The following KNDC1 variants were observed in gnomAD, a reference collection of about 807,000 sequenced individuals.
The protein encoded by KNDC1 is kinase non-catalytic C-lobe domain containing 1.
KNDC1 carries 106 observed loss-of-function variants against 172.8 expected under a neutral mutation model. That is an observed-to-expected ratio of 0.61 (90% CI 0.52 to 0.72). The LOEUF is 0.72. KNDC1 is among the 30% of genes least tolerant of loss of function. KNDC1 has a pLI of 0.00. For synonymous variants in KNDC1, 1,083 were observed against 1,062.2 expected (o/e 1.02, Z -0.38); for missense variants, 2,325 against 2,394.5 (o/e 0.97, Z 0.61).
intron 6 of KNDC1, among the ~76,000 whole-genome samples, chr10:133,188,234 G>GTT (rs1564885549): frequency 1.3e-5 from 2 of 152,176 alleles, no homozygotes; most frequent in Non-Finnish European, 2.9e-5. Context: ...GGGGAATGTG[G>GTT]CCGTGTGGAA....
In KNDC1 at chr10:133,186,465, C is replaced by A; in HGVS notation, c.1117C>A (p.Leu373Met). 6.2e-7 allele frequency: 1 copy of A among 1,612,390 alleles called. No individual in the cohort carries two copies. Among genetic ancestry groups the A allele is most frequent in the South Asian group, 1.1e-5 (1 of 91,060 alleles). ...LWPEQEPEHQLGRVPCAGRST... is the reference protein window; with the variant it reads ...LWPEQEPEHQMGRVPCAGRST... ...GCCGGAGCAGGAGCCGGAACACCAG[C>A]TGGGACGGGTTCCCTGTGCAGGCCG... Residue 373 changes from leucine (L) to methionine (M), a missense_variant, in exon 6 of 30, where the codon CTG (leucine) becomes ATG (methionine). Transcript: ENST00000304613.
chr10:133,179,659 G>A (rs74443114), intron 3 of KNDC1, among the ~76,000 whole-genome samples: 3,354 of 152,276 alleles, frequency 0.022, 47 homozygotes, highest in Middle Eastern at 0.034. Flanking sequence ...AAGTTTTCAC[G>A]TCCACTTCAC....
Position 133,198,477 on chromosome 10 carries a change from G to C in KNDC1, c.2047G>C (p.Ala683Pro), listed in dbSNP as rs377023876. The C allele has an allele frequency of 6.2e-7, 1 of 1,606,484 alleles. No homozygotes were observed. Among genetic ancestry groups the C allele is most frequent in the Admixed American group, 1.7e-5 (1 of 59,360 alleles). The change falls in exon 13 of 30, where the codon GCG (alanine) becomes CCG (proline). Residue 683 changes from alanine (A) to proline (P), a missense_variant. By Grantham distance (27) the Ala-to-Pro change is conservative. Coordinates refer to ENST00000304613, the MANE Select transcript of KNDC1 (RefSeq NM_152643.8). ...EATHFKPIVL[A>P]QNASVARDQP... Reference sequence around the variant, plus strand: ...CACGCACTTCAAGCCCATTGTCCTCGCGCAGAACGCAAGTGTGGCCAGGTG... The same window carrying C: ...CACGCACTTCAAGCCCATTGTCCTCCCGCAGAACGCAAGTGTGGCCAGGTG...
chr10:133,210,840 G>T, intron 21 of KNDC1, 116 bp downstream of exon 21: 2 of 869,518 alleles, frequency 2.3e-6, no homozygotes, highest in South Asian at 1.3e-5. Context: ...ACCCAAGGGG[G>T]TGAGGGGCCA....
At position 133,199,165 on chromosome 10, in the gene KNDC1, G is replaced by A; in HGVS notation, c.2657G>A (p.Gly886Glu). 1 of 1,601,190 alleles carries A rather than the reference G, an allele frequency of 6.2e-7. No homozygotes were observed. Among genetic ancestry groups the A allele is most frequent in the Non-Finnish European group, 8.5e-7 (1 of 1,174,768 alleles). ...LPCVDASPLP[G>E]RTACPSLQEA... ...TGCGTGGATGCCTCGCCACTCCCAGGGAGGACGGCCTGCCCGTCGCTGCAG... is the reference window on the plus strand; with the variant it reads ...TGCGTGGATGCCTCGCCACTCCCAGAGAGGACGGCCTGCCCGTCGCTGCAG... The change falls in exon 14 of 30, where the codon GGG (glycine) becomes GAG (glutamate). Residue 886 changes from glycine to glutamate, a missense_variant. Transcript: ENST00000304613.
Position 133,186,020 on chromosome 10 carries a change from T to G in KNDC1, c.672T>G (p.Ala224=). 6.4e-7 allele frequency: 1 copy of G among 1,566,466 alleles called. No individual in the cohort carries two copies. The highest frequency in any genetic ancestry group is 8.6e-7 in the Non-Finnish European group (1 of 1,156,420). Residue 224 remains alanine (A), a synonymous_variant, in exon 6 of 30, where the codon GCT becomes GCG. Coordinates refer to ENST00000304613, the MANE Select transcript of KNDC1 (RefSeq NM_152643.8). The part of the protein sequence containing the change: ...SWRERPAPGN[A]GPRRPPGDPS... ...GGGAGAGACCTGCCCCAGGAAACGC[T>G]GGGCCCAGGAGGCCGCCCGGGGACC...
rs767336938 is a variant in KNDC1, at chr10:133,211,845, G to C, written c.4223G>C (p.Gly1408Ala). The C allele has an allele frequency of 2.5e-6, 4 of 1,606,624 alleles. No individual in the cohort carries two copies. In the South Asian group the frequency reaches 4.4e-5, roughly 18 times the overall value. ...CTCTGTAAGAGGCTCTCAGAGGACG[G>C]CATCTCCAGGAAGGTGGGGTCCTTT... is the stretch of plus-strand genomic sequence containing the variant. ...NALCKRLSED[G>A]ISRKSFPWRL... The change falls in exon 23 of 30, where the codon GGC becomes GCC. Residue 1408 changes from glycine to alanine, a missense_variant. Physicochemically the swap from Gly to Ala is moderately conservative, Grantham distance 60 (BLOSUM62 0). Transcript: ENST00000304613.
At chr10:133,184,436 C>A (rs4838670) in intron 5 of KNDC1, among the ~76,000 whole-genome samples, 59,058 of 152,140 alleles carry the variant, frequency 0.39, 13,284 homozygotes, top group South Asian at 0.65. Context: ...AGAGATCACA[C>A]AAACTCACGT....
chr10:133,201,256 C>G (rs1297143111), intron 16 of KNDC1, among the ~76,000 whole-genome samples: 1 of 152,178 alleles, frequency 6.6e-6, no homozygotes, highest in South Asian at 2.1e-4. Flanking sequence ...GCAGTGAGGG[C>G]GCAGAGTGGG....
intron 28 of KNDC1, among the ~76,000 whole-genome samples, chr10:133,219,398 C>T (rs1845535254): frequency 6.6e-6 from 1 of 152,248 alleles, no homozygotes; most frequent in East Asian, 1.9e-4. Context: ...ACCTGGACCT[C>T]CTCCAGGACG....
In KNDC1 at chr10:133,186,071, G is replaced by C; in HGVS notation, c.723G>C (p.Pro241=). 1 of 1,598,354 alleles carries C rather than the reference G, an allele frequency of 6.3e-7. No individual in the cohort carries two copies. The highest frequency in any genetic ancestry group is 8.5e-7 in the Non-Finnish European group (1 of 1,173,682). ...CCAGCACTGACCCGGAGGTTCTGCC[G>C]ACCCCCGAAGGCCCGGAGTCTGAGA... ...GDPSTDPEVL[P]TPEGPESETS... is the part of the protein sequence containing the mutation. Residue 241 remains proline (P), a synonymous_variant, in exon 6 of 30, where the codon CCG becomes CCC. Coordinates refer to ENST00000304613, the MANE Select transcript of KNDC1 (RefSeq NM_152643.8).
At chr10:133,162,854 C>T (rs1853021055) in intron 1 of KNDC1, among the ~76,000 whole-genome samples, 2 of 152,222 alleles carry the variant, frequency 1.3e-5, no homozygotes, top group Non-Finnish European at 2.9e-5. Flanking sequence ...TGGTGTGGGC[C>T]CCAGAGACAC....
chr10:133,217,937 G>A (rs1845501063), intron 26 of KNDC1, among the ~76,000 whole-genome samples: 1 of 152,074 alleles, frequency 6.6e-6, no homozygotes, highest in Non-Finnish European at 1.5e-5. Flanking sequence ...TATCACGCCT[G>A]TAATCCCAGC....
chr10:133,207,579 G>A (rs529679794), intron 20 of KNDC1, among the ~76,000 whole-genome samples: 1 of 152,374 alleles, frequency 6.6e-6, no homozygotes, highest in African/African-American at 2.4e-5. Context: ...AGGTCTCAGG[G>A]TGCGCCTGGT....
At chr10:133,178,266 G>T (rs1853614936) in intron 3 of KNDC1, among the ~76,000 whole-genome samples, 1 of 152,312 alleles carries the variant, frequency 6.6e-6, no homozygotes, top group Admixed American at 6.5e-5. Flanking sequence ...CACATGTGTA[G>T]CATGGTGCAT....
chr10:133,207,734 G>T (rs1049416457), intron 20 of KNDC1, among the ~76,000 whole-genome samples: 5 of 152,268 alleles, frequency 3.3e-5, no homozygotes, highest in Admixed American at 3.3e-4. Context: ...TAGCTCCAGG[G>T]ACGGGTGAGG....
In KNDC1 at chr10:133,188,612, TG is replaced by T; in HGVS notation, c.1402del (p.Ala468ProfsTer55). The T allele has an allele frequency of 6.3e-7, 1 of 1,598,762 alleles. No homozygotes were observed. ...FREYELWALC[L>X]ACLRALQTRP... Reference sequence around the variant, plus strand: ...GAGTACGAGCTGTGGGCCCTGTGCCTGGCCTGCCTCCGCGCACTGCAGACAC... The same window carrying T: ...GAGTACGAGCTGTGGGCCCTGTGCCTGCCTGCCTCCGCGCACTGCAGACAC... On this transcript the variant is annotated frameshift_variant, in exon 7 of 30. Transcript: ENST00000304613. LOFTEE classifies it high-confidence loss of function.
chr10:133,218,876 T>C lies in KNDC1; in HGVS notation c.4723T>C (p.Cys1575Arg). The C allele has an allele frequency of 2.5e-6, 4 of 1,613,736 alleles. No individual in the cohort carries two copies. The highest frequency in any genetic ancestry group is 3.4e-6 in the Non-Finnish European group (4 of 1,179,732). Residue 1575 changes from cysteine (C) to arginine (R), a missense_variant, in exon 27 of 30, where the codon TGC (cysteine) becomes CGC (arginine). By Grantham distance (180) the Cys-to-Arg change is radical (BLOSUM62 -3). Transcript: ENST00000304613. ...LSKFLLIAKS[C>R]YEQRNFATAM... ...CAAATTTTTGCTGATTGCAAAATCT[T>C]GCTATGAGCAGAGAAACTTCGCGAC... is the stretch of plus-strand genomic sequence containing the variant.
At chr10:133,167,789 G>A (rs1853223293) in intron 2 of KNDC1, among the ~76,000 whole-genome samples, 1 of 152,158 alleles carries the variant, frequency 6.6e-6, no homozygotes, top group Non-Finnish European at 1.5e-5. Flanking sequence ...CGGCAGTCAC[G>A]CCTACCCTCA....
Sources: gnomAD v4.1 joint callset for allele counts (sites outside exome capture counted in the v4.1 genomes callset) on GRCh38, gnomAD v4.1.1 for gene constraint, MANE v1.5 for transcripts, NCBI Gene and HGNC (gene_info 2026-07-23, HGNC 2026-07-21) for gene names.